The following PIK3AP1 variants were observed in gnomAD, a reference collection of about 807,000 sequenced individuals.
The protein encoded by PIK3AP1 is phosphoinositide 3-kinase adapter protein 1.
In PIK3AP1, 21 loss-of-function variants were observed where a neutral mutation model predicts 88.1. That is an observed-to-expected ratio of 0.24 (90% confidence interval 0.17 to 0.34). The LOEUF (loss-of-function observed/expected upper bound fraction) is 0.34. Among genes scored for constraint, PIK3AP1 ranks in the 10% least tolerant of loss-of-function variants. The pLI is 1.00. For missense variants in PIK3AP1, 828 were observed against 1,035.7 expected, an observed-to-expected ratio of 0.80 and a Z score of 2.75; for synonymous variants, 398 against 400.0, an observed-to-expected ratio of 1.00 and a Z score of 0.06.
chr10:96,705,932 C>CA (rs2134287601), intron 2 of PIK3AP1, among the ~76,000 whole-genome samples: 1 of 107,588 alleles, frequency 9.3e-6, no homozygotes, highest in East Asian at 3.1e-4. Context: ...CTTGATCTGT[C>CA]ACTCAGGCTG....
intron 2 of PIK3AP1, among the ~76,000 whole-genome samples, chr10:96,678,869 G>A (rs1050170150): frequency 5.9e-5 from 9 of 152,122 alleles, no homozygotes; most frequent in African/African-American, 1.9e-4. Context: ...TCCAAAAGTA[G>A]AGACACAGAC....
intron 2 of PIK3AP1, among the ~76,000 whole-genome samples, chr10:96,689,442 C>T (rs921122709): frequency 2.6e-5 from 4 of 151,292 alleles, no homozygotes; most frequent in Admixed American, 1.3e-4. Context: ...TGGTGGCGGG[C>T]GCCTGTAGTC....
intron 14 of PIK3AP1, among the ~76,000 whole-genome samples, chr10:96,605,773 G>A (rs944163141): frequency 5.9e-5 from 9 of 152,196 alleles, no homozygotes; most frequent in African/African-American, 2.2e-4. Context: ...TATAATCCAG[G>A]GGATGCAGAA....
intron 3 of PIK3AP1, among the ~76,000 whole-genome samples, chr10:96,654,311 A>C (rs561355352): frequency 3.2e-4 from 48 of 152,210 alleles, no homozygotes; most frequent in Non-Finnish European, 5.9e-4. Context: ...GCTCTCCAAA[A>C]AACATGGGGA....
chr10:96,632,693 CT>C (rs1007616160), intron 8 of PIK3AP1, among the ~76,000 whole-genome samples: 2 of 152,202 alleles, frequency 1.3e-5, no homozygotes, highest in Non-Finnish European at 2.9e-5. Context: ...AATATCAGCT[CT>C]GTGACTTGGT....
At chr10:96,718,134 G>T (rs1844526624) in intron 1 of PIK3AP1, among the ~76,000 whole-genome samples, 1 of 152,162 alleles carries the variant, frequency 6.6e-6, no homozygotes. Flanking sequence ...AGATCTTAGG[G>T]CTGGGAGAGG....
chr10:96,660,316 A>C (rs1843668977), intron 2 of PIK3AP1, among the ~76,000 whole-genome samples: 1 of 152,192 alleles, frequency 6.6e-6, no homozygotes, highest in African/African-American at 2.4e-5. Flanking sequence ...ACCTGAACAG[A>C]CACTTCACCA....
At chr10:96,667,215 C>T (rs557355868) in intron 2 of PIK3AP1, among the ~76,000 whole-genome samples, 1 of 152,378 alleles carries the variant, frequency 6.6e-6, no homozygotes, top group African/African-American at 2.4e-5. Context: ...TTTCACACCA[C>T]AGTGCTCACT....
intron 2 of PIK3AP1, among the ~76,000 whole-genome samples, chr10:96,708,198 G>A (rs574421563): frequency 9.9e-5 from 15 of 152,220 alleles, no homozygotes; most frequent in South Asian, 6.2e-4. Flanking sequence ...CTTTGCTGGC[G>A]TCAGGTATAT....
intron 12 of PIK3AP1, among the ~76,000 whole-genome samples, chr10:96,619,931 C>T (rs1399428089): frequency 6.6e-6 from 1 of 152,160 alleles, no homozygotes; most frequent in Non-Finnish European, 1.5e-5. Flanking sequence ...TTCATTTAAT[C>T]ATATTTCTTG....
At position 96,628,906 on chromosome 10, in the gene PIK3AP1, ATG is replaced by A. The variant is rs201248056; in HGVS notation, c.1376-415_1376-414del. The stretch of plus-strand genomic sequence containing the variant: ...TATATATACATATATATATATATAT[ATG>A]TGTATATATATATATATATATGGCA... On this transcript the variant is annotated intron_variant, in intron 8 of 16. Transcript: ENST00000339364. Among the ~76,000 whole-genome samples the A allele has an allele frequency of 0.028, 371 of 13,220 alleles. 68 individuals carry two copies. The East Asian group carries it at 0.4, about 14-fold the overall frequency. The allele number at this position is 13,220 out of a possible 152,430, so 8.7% of individuals were successfully genotyped here.
rs576731614 is a variant in PIK3AP1, at chr10:96,602,603, A to G, written c.2242-205T>C. Among the ~76,000 whole-genome samples the G allele has an allele frequency of 9.8e-5, 15 of 152,316 alleles. No individual in the cohort carries two copies. The East Asian group carries it at 1.3e-3, about 14-fold the overall frequency. ...CACTGAGGAAGACAATCTGGCCCCA[A>G]TGATCATTAATTGCCTGAATTCTAA... On this transcript the variant is annotated intron_variant, in intron 15 of 16. Transcript: ENST00000339364.
chr10:96,720,326 G>A lies in PIK3AP1; in HGVS notation c.13+56C>T. 1 of 1,241,450 alleles carries A rather than the reference G, an allele frequency of 8.1e-7. No homozygotes were observed. Among genetic ancestry groups the A allele is most frequent in the Non-Finnish European group, 1.0e-6 (1 of 986,264 alleles). The allele number at this position is 1,241,450 out of a possible 1,614,324, so 76.9% of individuals were successfully genotyped here. On this transcript the variant is annotated intron_variant, in intron 1 of 16. Transcript: ENST00000339364. The surrounding 1 kb of genome is among the most constrained non-coding windows in gnomAD (Gnocchi z 4.6). The stretch of plus-strand genomic sequence containing the variant: ...AGCGGGGGAGCGCGCCTCAAGGGAT[G>A]CGGGGTACGAGAGAGGGGCCGGGAG...
chr10:96,664,274 T>C (rs1440404455), intron 2 of PIK3AP1, among the ~76,000 whole-genome samples: 1 of 152,212 alleles, frequency 6.6e-6, no homozygotes, highest in Non-Finnish European at 1.5e-5. Flanking sequence ...AAAAGCAGGA[T>C]ATAAAATTAT....
At chr10:96,705,663 G>A (rs1349767685) in intron 2 of PIK3AP1, among the ~76,000 whole-genome samples, 1 of 149,010 alleles carries the variant, frequency 6.7e-6, no homozygotes, top group Non-Finnish European at 1.5e-5. Context: ...GCTCACTGCA[G>A]CCTCAACCTC....
chr10:96,642,462 A>G (rs201260714), intron 8 of PIK3AP1, among the ~76,000 whole-genome samples: 7 of 99,966 alleles, frequency 7.0e-5, no homozygotes, highest in Non-Finnish European at 1.2e-4. Flanking sequence ...AAGAAAGAAA[A>G]AAAGAGAAAG....
In PIK3AP1 at chr10:96,651,489, T is replaced by A. The variant is rs1435157561; in HGVS notation, c.855+20A>T. The A allele has an allele frequency of 6.2e-7, 1 of 1,614,088 alleles. No homozygotes were observed. ...AAATTACATGCCCAGAAATCTCAGG[T>A]TTCCTTGTAATATCCTTACCTGACA... On this transcript the variant is annotated intron_variant, in intron 5 of 16. Coordinates refer to ENST00000339364, the MANE Select transcript of PIK3AP1 (RefSeq NM_152309.3).
intron 8 of PIK3AP1, among the ~76,000 whole-genome samples, chr10:96,629,603 C>A (rs1007001789): frequency 1.8e-4 from 27 of 147,854 alleles, no homozygotes; most frequent in Non-Finnish European, 3.3e-4. Flanking sequence ...CTGGGCCAGG[C>A]ATGGTGGCTC....
At chr10:96,664,644 G>A (rs1441040265) in intron 2 of PIK3AP1, among the ~76,000 whole-genome samples, 3 of 152,146 alleles carry the variant, frequency 2.0e-5, no homozygotes, top group Admixed American at 6.5e-5. Flanking sequence ...TAATAGTGCG[G>A]CACTTGGCAG....
Sources: allele counts gnomAD v4.1 joint callset (sites outside exome capture counted in the v4.1 genomes callset), GRCh38; gene constraint gnomAD v4.1.1; non-coding constraint Gnocchi (gnomAD v3.1); transcripts MANE v1.5; gene names NCBI Gene and HGNC (gene_info 2026-07-23, HGNC 2026-07-21).